Variants in NOX4 observed in about 807,000 individuals in gnomAD.
NOX4 encodes NADPH oxidase 4.
Under a neutral mutation model 87.6 loss-of-function variants are expected in NOX4, and 69 were observed. The ratio of observed to expected loss-of-function variants is 0.79; its 90% CI spans 0.65 to 0.96. The LOEUF (loss-of-function observed/expected upper bound fraction) is 0.96. Among genes scored for constraint, NOX4 ranks in the 40% least tolerant of loss-of-function variants. The pLI, the probability that NOX4 is intolerant of heterozygous loss-of-function variation, is 0.00. For missense variants in NOX4, 680 were observed against 681.5 expected, an observed-to-expected ratio of 1.00 and a Z score of 0.02; for synonymous variants, 275 against 238.2, an observed-to-expected ratio of 1.15 and a Z score of -1.42.
the NOX4 span, among the ~76,000 whole-genome samples, chr11:89,567,221 G>T: frequency 6.6e-6 from 1 of 152,142 alleles, no homozygotes; most frequent in Admixed American, 6.5e-5. Context: ...CCCAACAGAG[G>T]CATTTTGCAG....
At chr11:89,579,695 T>C in the NOX4 span, among the ~76,000 whole-genome samples, 1,500 of 152,268 alleles carry the variant, frequency 9.9e-3, 28 homozygotes, top group African/African-American at 0.035. Flanking sequence ...TTTATCATAC[T>C]AATGTAAGAG....
the NOX4 span, among the ~76,000 whole-genome samples, chr11:89,510,180 G>A: frequency 6.6e-5 from 10 of 152,046 alleles, no homozygotes; most frequent in Non-Finnish European, 1.0e-4. Context: ...ACTTTCAAGC[G>A]TAACCTAGAA....
chr11:89,379,129 G>A (rs1002522123), intron 11 of NOX4, among the ~76,000 whole-genome samples: 6 of 152,034 alleles, frequency 3.9e-5, no homozygotes, highest in African/African-American at 1.2e-4. Flanking sequence ...AAAAATAGAT[G>A]CCACAATGGC....
intron 4 of NOX4, among the ~76,000 whole-genome samples, chr11:89,445,690 C>T (rs563092077): frequency 5.9e-4 from 90 of 152,214 alleles, no homozygotes; most frequent in Middle Eastern, 3.4e-3. Flanking sequence ...TAGTCATAGA[C>T]TTTACACCCT....
chr11:89,586,152 CCTTT>C, the NOX4 span, among the ~76,000 whole-genome samples: 1 of 151,876 alleles, frequency 6.6e-6, no homozygotes, highest in African/African-American at 2.4e-5. Flanking sequence ...TATTCTCATT[CCTTT>C]ATCTCTACCA....
chr11:89,438,398 A>G (rs547720991), intron 6 of NOX4, among the ~76,000 whole-genome samples: 13 of 112,460 alleles, frequency 1.2e-4, no homozygotes, highest in Middle Eastern at 4.6e-3. Flanking sequence ...TAATTATAAT[A>G]TAAATAATAT....
chr11:89,531,504 C>T, the NOX4 span, among the ~76,000 whole-genome samples: 2 of 152,156 alleles, frequency 1.3e-5, no homozygotes, highest in African/African-American at 4.8e-5. Context: ...TATGGTTTGG[C>T]TTTGTGTACC....
chr11:89,391,727 C>G (rs1461071291), intron 11 of NOX4, among the ~76,000 whole-genome samples: 2 of 117,602 alleles, frequency 1.7e-5, no homozygotes, highest in Admixed American at 2.1e-4. Flanking sequence ...GTGACAGAGG[C>G]AGACCTTGTC....
chr11:89,586,495 T>C, the NOX4 span, among the ~76,000 whole-genome samples: 2 of 152,150 alleles, frequency 1.3e-5, no homozygotes, highest in Non-Finnish European at 2.9e-5. Flanking sequence ...AACACTAAAG[T>C]GCATTATGCA....
the NOX4 span, among the ~76,000 whole-genome samples, chr11:89,520,675 C>G: frequency 6.6e-6 from 1 of 152,102 alleles, no homozygotes; most frequent in East Asian, 1.9e-4. Context: ...TGCTGTTCAA[C>G]ATAGGACGGA....
intron 13 of NOX4, among the ~76,000 whole-genome samples, chr11:89,345,646 C>T (rs1002935379): frequency 6.6e-6 from 1 of 152,012 alleles, no homozygotes; most frequent in Non-Finnish European, 1.5e-5. Flanking sequence ...TACGTGTACC[C>T]AATGTTTAGT....
the NOX4 span, among the ~76,000 whole-genome samples, chr11:89,516,273 C>A: frequency 1.0e-3 from 154 of 152,008 alleles, 1 homozygote; most frequent in African/African-American, 3.7e-3. Flanking sequence ...TTTAAACAGT[C>A]CTATATCTTT....
chr11:89,478,224 A>C (rs1023019050), intron 2 of NOX4, among the ~76,000 whole-genome samples: 1 of 152,118 alleles, frequency 6.6e-6, no homozygotes, highest in African/African-American at 2.4e-5. Context: ...CTTATAAGCG[A>C]TATATTAGGT....
intron 4 of NOX4, 41 bp downstream of exon 4, chr11:89,449,399 G>T: frequency 7.1e-7 from 1 of 1,413,298 alleles, no homozygotes; most frequent in Non-Finnish European, 9.9e-7. Context: ...ATTTAAATGT[G>T]TAATTCTAAC....
chr11:89,411,239 G>A (rs192700067), intron 8 of NOX4, among the ~76,000 whole-genome samples: 2 of 152,262 alleles, frequency 1.3e-5, no homozygotes, highest in East Asian at 1.9e-4. Context: ...CGCAGTACTC[G>A]CCATGGGCCT....
At chr11:89,390,092 T>C (rs563665475) in intron 11 of NOX4, among the ~76,000 whole-genome samples, 9 of 152,318 alleles carry the variant, frequency 5.9e-5, no homozygotes, top group African/African-American at 2.2e-4. Context: ...TTAAGACAAC[T>C]ATGCAGTGAA....
the NOX4 span, among the ~76,000 whole-genome samples, chr11:89,507,392 A>C: frequency 6.6e-6 from 1 of 151,266 alleles, no homozygotes; most frequent in African/African-American, 2.4e-5. Flanking sequence ...TATAATATAT[A>C]ATAATACACA....
In NOX4 at chr11:89,345,513, AACCAAT is replaced by A. The variant is rs1197581576; in HGVS notation, c.1218-3326_1218-3321del. On this transcript the variant is annotated intron_variant, in intron 13 of 17. Transcript: ENST00000263317. ...CAGACACATGACCATGAGCTTAAACAACCAATACTGTACTCTACAGTGTACAGCAGC... is the reference window on the plus strand; with the variant it reads ...CAGACACATGACCATGAGCTTAAACAACTGTACTCTACAGTGTACAGCAGC... 6.3e-3 allele frequency among the ~76,000 whole-genome samples: 965 copies of A among 152,236 alleles called. 2 individuals carry two copies. Among genetic ancestry groups the A allele is most frequent in the Non-Finnish European group, 0.011 (719 of 68,004 alleles).
In NOX4 at chr11:89,395,432, A is replaced by C. The variant is rs140674822; in HGVS notation, c.1074+4585T>G. 7.2e-3 allele frequency among the ~76,000 whole-genome samples: 1,096 copies of C among 151,986 alleles called. 11 individuals are homozygous for C. The highest frequency in any genetic ancestry group is 0.025 in the African/African-American group (1,021 of 41,438). ...TTTGCCAGATTGGTAGATTGCAAAA[A>C]TTTTCTCCCATTCTGTAGGTTGCCT... On this transcript the variant is annotated intron_variant, in intron 11 of 17. Coordinates refer to ENST00000263317, the MANE Select transcript of NOX4 (RefSeq NM_016931.5).
Sources: allele counts gnomAD v4.1 joint callset (sites outside exome capture counted in the v4.1 genomes callset), GRCh38; gene constraint gnomAD v4.1.1; transcripts MANE v1.5; gene names NCBI Gene and HGNC (gene_info 2026-07-23, HGNC 2026-07-21).